ANO3: variants seen among roughly 807,000 people sequenced by gnomAD.
ANO3 encodes the protein anoctamin 3, also known as anoctamin-3.
Under a neutral mutation model 144.8 loss-of-function variants are expected in ANO3, and 99 were observed. The observed-to-expected ratio is 0.68, with a 90% CI of 0.58 to 0.81. ANO3 has a LOEUF of 0.81. Ranked by LOEUF, ANO3 falls within the 30% of genes least tolerant of loss-of-function variation. The pLI, the probability that ANO3 is intolerant of heterozygous loss-of-function variation, is 0.00. For synonymous variants in ANO3, 414 were observed against 392.6 expected, an observed-to-expected ratio of 1.05 and a Z score of -0.64; for missense variants, 905 against 1,202.2, an observed-to-expected ratio of 0.75 and a Z score of 3.66.
chr11:26,586,501 A>ATTTTTTTT (rs1281089936), intron 14 of ANO3, among the ~76,000 whole-genome samples: 2 of 40,018 alleles, frequency 5.0e-5, no homozygotes, highest in African/African-American at 8.9e-5. Context: ...CCTGGTGAGA[A>ATTTTTTTT]TCTTTTTTTT....
intron 14 of ANO3, chr11:26,563,288 A>G (rs1850370165): frequency 6.4e-7 from 1 of 1,569,982 alleles, no homozygotes; most frequent in Non-Finnish European, 8.6e-7. Flanking sequence ...AAAAATTTAA[A>G]GAAATATAAA....
At chr11:26,555,822 T>C (rs1850067712) in intron 13 of ANO3, among the ~76,000 whole-genome samples, 1 of 152,162 alleles carries the variant, frequency 6.6e-6, no homozygotes, top group Admixed American at 6.5e-5. Context: ...GAATCAGATA[T>C]AAGGGAGCAG....
chr11:26,325,258 C>T (rs1436853363), intron 1 of ANO3, among the ~76,000 whole-genome samples: 1 of 152,048 alleles, frequency 6.6e-6, no homozygotes, highest in African/African-American at 2.4e-5. Flanking sequence ...TGGCATAAAG[C>T]TTGCAATAAC....
At chr11:26,623,918 C>A (rs1473268471) in intron 17 of ANO3, among the ~76,000 whole-genome samples, 3 of 152,128 alleles carry the variant, frequency 2.0e-5, no homozygotes, top group Non-Finnish European at 4.4e-5. Flanking sequence ...TCCCGAGTAG[C>A]TGGGACTACA....
intron 13 of ANO3, among the ~76,000 whole-genome samples, chr11:26,554,009 G>A (rs906526831): frequency 5.3e-5 from 8 of 151,998 alleles, no homozygotes; most frequent in African/African-American, 2.4e-5. Flanking sequence ...TGTTATATGC[G>A]TGCACCTGTG....
At chr11:26,529,662 A>G (rs1849315833) in intron 7 of ANO3, among the ~76,000 whole-genome samples, 1 of 150,454 alleles carries the variant, frequency 6.6e-6, no homozygotes, top group Non-Finnish European at 1.5e-5. Flanking sequence ...ATTGCAGAAG[A>G]AGCCAAAAAT....
chr11:26,402,607 A>C (rs1007192346), intron 1 of ANO3, among the ~76,000 whole-genome samples: 8 of 151,918 alleles, frequency 5.3e-5, no homozygotes, highest in Non-Finnish European at 1.2e-4. Flanking sequence ...CTAACCCAGG[A>C]ACAGAAAACT....
intron 1 of ANO3, among the ~76,000 whole-genome samples, chr11:26,259,594 G>A (rs1396605585): frequency 3.2e-5 from 4 of 123,448 alleles, no homozygotes; most frequent in African/African-American, 1.2e-4. Flanking sequence ...TGGGGGGGCA[G>A]AGGGGCAGAG....
At chr11:26,290,358 C>A (rs1853927283) in intron 1 of ANO3, among the ~76,000 whole-genome samples, 1 of 152,088 alleles carries the variant, frequency 6.6e-6, no homozygotes, top group Non-Finnish European at 1.5e-5. Context: ...TTTCAAAAAA[C>A]CAGCTCCTGG....
chr11:26,603,212 TA>T, intron 17 of ANO3, among the ~76,000 whole-genome samples: 1 of 152,288 alleles, frequency 6.6e-6, no homozygotes, highest in South Asian at 2.1e-4. Context: ...TTTACAGCTA[TA>T]TACATAATAG....
At chr11:26,412,746 G>A (rs1333528273) in intron 1 of ANO3, among the ~76,000 whole-genome samples, 1 of 150,362 alleles carries the variant, frequency 6.7e-6, no homozygotes, top group Non-Finnish European at 1.5e-5. Context: ...AGCATATTAG[G>A]TGCTATTCAG....
At chr11:26,358,286 C>T (rs1441606510) in intron 1 of ANO3, among the ~76,000 whole-genome samples, 1 of 151,730 alleles carries the variant, frequency 6.6e-6, no homozygotes, top group Non-Finnish European at 1.5e-5. Flanking sequence ...ATTCTCCTGC[C>T]TCAGCGTCCT....
chr11:26,365,209 T>C (rs1856034162), intron 1 of ANO3, among the ~76,000 whole-genome samples: 1 of 152,256 alleles, frequency 6.6e-6, no homozygotes, highest in East Asian at 1.9e-4. Context: ...GGCATGCTGA[T>C]GCAGGGGCTG....
chr11:26,424,083 C>T (rs1330764765), intron 1 of ANO3, among the ~76,000 whole-genome samples: 1 of 151,858 alleles, frequency 6.6e-6, no homozygotes, highest in African/African-American at 2.4e-5. Context: ...TAATTAACCT[C>T]CCAAAGAACA....
intron 7 of ANO3, among the ~76,000 whole-genome samples, chr11:26,527,014 T>C (rs1368012739): frequency 1.3e-5 from 2 of 150,438 alleles, no homozygotes. Context: ...TTTGCTTCAG[T>C]TTGCTACTAT....
intron 18 of ANO3, among the ~76,000 whole-genome samples, chr11:26,632,252 A>C (rs562353209): frequency 6.6e-6 from 1 of 151,476 alleles, no homozygotes; most frequent in East Asian, 1.9e-4. Flanking sequence ...TTCTTTAAAA[A>C]TATGTACAAA....
At chr11:26,214,337 T>C (rs576522340) in intron 1 of ANO3, among the ~76,000 whole-genome samples, 2 of 152,056 alleles carry the variant, frequency 1.3e-5, no homozygotes, top group African/African-American at 4.8e-5. Flanking sequence ...TTCCAGTTTC[T>C]GTGAGTTTAC....
chr11:26,193,586 CTTAT>C (rs1327854088), intron 1 of ANO3, among the ~76,000 whole-genome samples: 1 of 152,138 alleles, frequency 6.6e-6, no homozygotes, highest in Non-Finnish European at 1.5e-5. Flanking sequence ...AGCAAATATA[CTTAT>C]TTATAGTCTC....
chr11:26,468,837 C>A (rs1441315522), intron 4 of ANO3, among the ~76,000 whole-genome samples: 1 of 151,916 alleles, frequency 6.6e-6, no homozygotes, highest in Non-Finnish European at 1.5e-5. Context: ...AATTTTACTT[C>A]TTTTTGGGAT....
Sources: allele counts gnomAD v4.1 joint callset (sites outside exome capture counted in the v4.1 genomes callset), GRCh38; gene constraint gnomAD v4.1.1; transcripts MANE v1.5; gene names NCBI Gene and HGNC (gene_info 2026-07-23, HGNC 2026-07-21).